EMCN: variants seen among roughly 807,000 people sequenced by gnomAD.
The protein encoded by EMCN is MUC-14.
Under a neutral mutation model 38.4 loss-of-function variants are expected in EMCN, and 37 were observed. The ratio of observed to expected loss-of-function variants is 0.96; its 90% CI spans 0.74 to 1.27. The LOEUF (loss-of-function observed/expected upper bound fraction) is 1.27. EMCN is among the 50% of genes most tolerant of loss of function. The pLI, the probability that EMCN is intolerant of heterozygous loss-of-function variation, is 0.00. For missense variants in EMCN, 318 were observed against 302.8 expected (o/e 1.05, Z -0.37); for synonymous variants, 95 against 100.8 (o/e 0.94, Z 0.35).
At chr4:100,469,715 G>T (rs936119645) in intron 3 of EMCN, among the ~76,000 whole-genome samples, 1 of 152,136 alleles carries the variant, frequency 6.6e-6, no homozygotes, top group African/African-American at 2.4e-5. Context: ...GTTTTTGGCA[G>T]CTTTGTTGAA....
intron 1 of EMCN, among the ~76,000 whole-genome samples, chr4:100,488,162 G>T (rs1728988821): frequency 3.9e-5 from 6 of 152,138 alleles, no homozygotes. Flanking sequence ...ATTGAGCAAT[G>T]TCTCCTCAAC....
At chr4:100,409,610 T>G (rs1188929105) in intron 11 of EMCN, among the ~76,000 whole-genome samples, 1 of 152,216 alleles carries the variant, frequency 6.6e-6, no homozygotes, top group Non-Finnish European at 1.5e-5. Flanking sequence ...GCTTGGCTGG[T>G]TACACAGCAA....
intron 3 of EMCN, among the ~76,000 whole-genome samples, chr4:100,471,615 A>G (rs1728479621): frequency 6.6e-6 from 1 of 151,974 alleles, no homozygotes; most frequent in Admixed American, 6.5e-5. Flanking sequence ...TTGATTTCAA[A>G]ACTAGACAAA....
intron 1 of EMCN, among the ~76,000 whole-genome samples, chr4:100,485,244 T>C (rs766440700): frequency 4.6e-5 from 7 of 152,184 alleles, no homozygotes; most frequent in Non-Finnish European, 1.0e-4. Context: ...TTATATGGTC[T>C]TCATGCATTG....
At chr4:100,457,910 A>G (rs1204534267) in intron 4 of EMCN, among the ~76,000 whole-genome samples, 1 of 152,094 alleles carries the variant, frequency 6.6e-6, no homozygotes, top group Non-Finnish European at 1.5e-5. Context: ...TGAGATCAGG[A>G]GTGCAAGACC....
intron 5 of EMCN, among the ~76,000 whole-genome samples, chr4:100,423,923 C>T (rs1726971459): frequency 6.6e-6 from 1 of 151,798 alleles, no homozygotes; most frequent in Non-Finnish European, 1.5e-5. Context: ...CATTTTCATC[C>T]CTAAAGTTCA....
At chr4:100,506,355 G>A (rs1729479381) in intron 1 of EMCN, among the ~76,000 whole-genome samples, 2 of 152,158 alleles carry the variant, frequency 1.3e-5, no homozygotes, top group South Asian at 4.2e-4. Flanking sequence ...TTTGCAAATC[G>A]TATGCCTAAT....
At chr4:100,439,918 C>A (rs1450663472) in intron 5 of EMCN, among the ~76,000 whole-genome samples, 1 of 151,952 alleles carries the variant, frequency 6.6e-6, no homozygotes, top group Non-Finnish European at 1.5e-5. Context: ...ACTTAATTAT[C>A]ATATAATTGT....
At chr4:100,464,540 C>G (rs934294494) in intron 4 of EMCN, among the ~76,000 whole-genome samples, 1 of 151,902 alleles carries the variant, frequency 6.6e-6, no homozygotes, top group Non-Finnish European at 1.5e-5. Context: ...TTTGTATATG[C>G]CCTTTATCAA....
intron 11 of EMCN, among the ~76,000 whole-genome samples, chr4:100,402,094 TA>T (rs1726275150): frequency 6.6e-6 from 1 of 152,166 alleles, no homozygotes; most frequent in Non-Finnish European, 1.5e-5. Flanking sequence ...TCCATATCAT[TA>T]AACATTTAAG....
chr4:100,474,349 A>G (rs746252553), intron 3 of EMCN, among the ~76,000 whole-genome samples: 1 of 152,228 alleles, frequency 6.6e-6, no homozygotes, highest in Non-Finnish European at 1.5e-5. Flanking sequence ...ATTATAATTA[A>G]GACAGACAAG....
intron 3 of EMCN, among the ~76,000 whole-genome samples, chr4:100,467,445 G>A (rs1369147536): frequency 3.3e-5 from 5 of 152,100 alleles, no homozygotes; most frequent in Non-Finnish European, 5.9e-5. Flanking sequence ...TTGGGAGGCC[G>A]AGGCGGGCGG....
At chr4:100,424,870 G>C (rs193101073) in intron 5 of EMCN, among the ~76,000 whole-genome samples, 16 of 152,058 alleles carry the variant, frequency 1.1e-4, no homozygotes, top group African/African-American at 3.9e-4. Flanking sequence ...GATTTCTCAA[G>C]GGTTAATTGT....
intron 5 of EMCN, among the ~76,000 whole-genome samples, chr4:100,432,066 A>T (rs1475476478): frequency 6.6e-6 from 1 of 152,126 alleles, no homozygotes; most frequent in East Asian, 1.9e-4. Context: ...AATGAATTCC[A>T]TGATTGCTTA....
At position 100,513,458 on chromosome 4, in the gene EMCN, A is replaced by G. The variant is rs953406410; in HGVS notation, c.64+4393T>C. On this transcript the variant is annotated intron_variant, in intron 1 of 11. Transcript: ENST00000296420. ...TATTTCTGTAAATTTCACTTGTAAA[A>G]AAGCCATTTTGTATTTTTGAGAAGT... Among the ~76,000 whole-genome samples the G allele has an allele frequency of 5.9e-5, 9 of 152,188 alleles. No homozygotes were observed. The East Asian group carries it at 1.7e-3, about 29-fold the overall frequency.
intron 1 of EMCN, among the ~76,000 whole-genome samples, chr4:100,485,328 G>T (rs886387807): frequency 1.3e-5 from 2 of 151,858 alleles, no homozygotes; most frequent in Non-Finnish European, 2.9e-5. Context: ...TAAAATAATT[G>T]CCAGTTTTTC....
chr4:100,400,515 G>A (rs1176464029), intron 11 of EMCN, among the ~76,000 whole-genome samples: 4 of 151,986 alleles, frequency 2.6e-5, no homozygotes, highest in Non-Finnish European at 5.9e-5. Flanking sequence ...TCTTATGTGT[G>A]TGTCTTTCCA....
At chr4:100,465,369 C>T in intron 4 of EMCN, 54 bp downstream of exon 4, 1 of 989,140 alleles carries the variant, frequency 1.0e-6, no homozygotes, top group South Asian at 1.7e-5. Flanking sequence ...CATTCTGAAA[C>T]TAGTTTTATG....
At chr4:100,419,885 A>G (rs957135083) in intron 8 of EMCN, among the ~76,000 whole-genome samples, 10 of 152,114 alleles carry the variant, frequency 6.6e-5, no homozygotes, top group Non-Finnish European at 1.3e-4. Flanking sequence ...TCGTTATCAT[A>G]CTACAACTGT....
Sources: allele counts gnomAD v4.1 joint callset (sites outside exome capture counted in the v4.1 genomes callset), GRCh38; gene constraint gnomAD v4.1.1; transcripts MANE v1.5; gene names NCBI Gene and HGNC (gene_info 2026-07-23, HGNC 2026-07-21).